The following RIMS2 variants were observed in gnomAD, a reference collection of about 807,000 sequenced individuals.
RIMS2 encodes the protein regulating synaptic membrane exocytosis 2.
In RIMS2, 59 loss-of-function variants were observed where a neutral mutation model predicts 174.4. The observed-to-expected ratio is 0.34, with a 90% CI of 0.27 to 0.42. RIMS2 has a LOEUF of 0.42. Among genes scored for constraint, RIMS2 ranks in the 10% least tolerant of loss-of-function variants. The probability of loss-of-function intolerance (pLI) is 1.00; values close to 1 mark genes in which losing one functional copy is unlikely to be tolerated. For synonymous variants in RIMS2, 606 were observed against 572.5 expected (o/e 1.06, Z -0.84); for missense variants, 1,620 against 1,666.3 (o/e 0.97, Z 0.48).
At chr8:103,941,252 C>G (rs1565437402) in intron 13 of RIMS2, among the ~76,000 whole-genome samples, 1 of 151,888 alleles carries the variant, frequency 6.6e-6, no homozygotes, top group African/African-American at 2.4e-5. Flanking sequence ...GAAGCGGAGA[C>G]AGGGGGATAG....
At chr8:103,603,447 A>T (rs9642992) in intron 1 of RIMS2, among the ~76,000 whole-genome samples, 8 of 146,586 alleles carry the variant, frequency 5.5e-5, no homozygotes, top group East Asian at 4.1e-4. Context: ...GAATAATGCC[A>T]CAATAAACAT....
chr8:104,166,964 G>A (rs1204178750), intron 19 of RIMS2, among the ~76,000 whole-genome samples: 2 of 152,100 alleles, frequency 1.3e-5, no homozygotes, highest in Non-Finnish European at 2.9e-5. Flanking sequence ...ATTTCATTCC[G>A]TTTTATGGCT....
At chr8:103,521,326 A>G (rs565025302) in intron 1 of RIMS2, among the ~76,000 whole-genome samples, 1 of 152,180 alleles carries the variant, frequency 6.6e-6, no homozygotes, top group South Asian at 2.1e-4. Flanking sequence ...TTAAAATGAA[A>G]AAAGTGTGTA....
intron 19 of RIMS2, among the ~76,000 whole-genome samples, chr8:104,040,843 A>T (rs568361109): frequency 2.6e-4 from 39 of 151,844 alleles, no homozygotes; most frequent in Non-Finnish European, 4.6e-4. Context: ...GGGGAAACAT[A>T]AAAGGAATAG....
chr8:103,915,151 A>G (rs1357996679), intron 6 of RIMS2, among the ~76,000 whole-genome samples: 1 of 152,076 alleles, frequency 6.6e-6, no homozygotes, highest in African/African-American at 2.4e-5. Flanking sequence ...ATAACTAGAA[A>G]TGTTTATATA....
chr8:103,876,826 G>GTA (rs149688617), intron 3 of RIMS2, among the ~76,000 whole-genome samples: 7 of 114,600 alleles, frequency 6.1e-5, no homozygotes, highest in South Asian at 3.0e-4. Context: ...GTGTATATAT[G>GTA]TATATATATA....
chr8:103,965,214 A>G (rs1168438541), intron 15 of RIMS2, among the ~76,000 whole-genome samples: 1 of 152,156 alleles, frequency 6.6e-6, no homozygotes, highest in Non-Finnish European at 1.5e-5. Context: ...AAGTTGATTG[A>G]GATTGCTTTG....
At chr8:103,576,240 G>C (rs1395277208) in intron 1 of RIMS2, among the ~76,000 whole-genome samples, 1 of 152,086 alleles carries the variant, frequency 6.6e-6, no homozygotes, top group Non-Finnish European at 1.5e-5. Context: ...GCAAACTTGG[G>C]TTTAATGCAC....
chr8:103,961,212 A>T, intron 15 of RIMS2, 79 bp downstream of exon 17: 2 of 776,314 alleles, frequency 2.6e-6, no homozygotes, highest in Non-Finnish European at 2.3e-6. Context: ...TAAATAAATA[A>T]AAGAGAAAGA....
At chr8:103,780,682 T>A (rs532462707) in intron 3 of RIMS2, among the ~76,000 whole-genome samples, 13 of 152,144 alleles carry the variant, frequency 8.5e-5, no homozygotes, top group Non-Finnish European at 1.8e-4. Flanking sequence ...TCCTTAAAAC[T>A]GCTATTTTTT....
At chr8:104,002,890 A>C (rs1329255943) in intron 17 of RIMS2, among the ~76,000 whole-genome samples, 1 of 152,156 alleles carries the variant, frequency 6.6e-6, no homozygotes. Context: ...ATTAACTAAC[A>C]CTAGAAATCA....
At chr8:103,529,560 A>T (rs1014558933) in intron 1 of RIMS2, among the ~76,000 whole-genome samples, 5 of 151,886 alleles carry the variant, frequency 3.3e-5, no homozygotes, top group African/African-American at 1.2e-4. Flanking sequence ...GAATTCCCTG[A>T]CCCCTTCTGC....
intron 1 of RIMS2, among the ~76,000 whole-genome samples, chr8:103,569,386 T>C (rs759284387): frequency 6.6e-6 from 1 of 152,160 alleles, no homozygotes; most frequent in Non-Finnish European, 1.5e-5. Flanking sequence ...ATAGAACTGA[T>C]CTGAAAAAAA....
At chr8:104,005,306 G>T (rs1291902650) in intron 17 of RIMS2, among the ~76,000 whole-genome samples, 1 of 152,194 alleles carries the variant, frequency 6.6e-6, no homozygotes, top group Admixed American at 6.5e-5. Flanking sequence ...TTATGATTCG[G>T]GGGGTAATTG....
chr8:103,985,081 G>A (rs1408584645), intron 16 of RIMS2, among the ~76,000 whole-genome samples: 1 of 151,944 alleles, frequency 6.6e-6, no homozygotes, highest in Non-Finnish European at 1.5e-5. Flanking sequence ...ATGGTTAACG[G>A]GTACAAATAA....
At chr8:103,736,088 T>C (rs544780384) in intron 2 of RIMS2, among the ~76,000 whole-genome samples, 3 of 152,202 alleles carry the variant, frequency 2.0e-5, no homozygotes, top group Non-Finnish European at 4.4e-5. Context: ...ACCTTGGCTT[T>C]TCTTTCTTTG....
At chr8:104,182,497 A>G (rs1055324667) in intron 19 of RIMS2, among the ~76,000 whole-genome samples, 1 of 151,736 alleles carries the variant, frequency 6.6e-6, no homozygotes, top group Non-Finnish European at 1.5e-5. Context: ...TCAAAAAGAA[A>G]CCGCATACCC....
chr8:103,720,034 A>G (rs879434556), intron 2 of RIMS2, among the ~76,000 whole-genome samples: 3 of 152,230 alleles, frequency 2.0e-5, no homozygotes, highest in Non-Finnish European at 4.4e-5. Flanking sequence ...CTTTTATTGT[A>G]GAAGAATAAT....
chr8:104,205,508 T>TGTGC (rs1193902812), intron 19 of RIMS2, among the ~76,000 whole-genome samples: 189 of 152,138 alleles, frequency 1.2e-3, no homozygotes, highest in Middle Eastern at 3.4e-3. Context: ...TGTGTGTGTG[T>TGTGC]GTGCGCGCAC....
Sources: gnomAD v4.1 joint callset for allele counts (sites outside exome capture counted in the v4.1 genomes callset) on GRCh38, gnomAD v4.1.1 for gene constraint, MANE v1.5 for transcripts, NCBI Gene and HGNC (gene_info 2026-07-23, HGNC 2026-07-21) for gene names.